The following UMAD1 variants were observed in gnomAD, a reference collection of about 807,000 sequenced individuals.
UMAD1 encodes the protein UBAP1-MVB12-associated (UMA)-domain containing protein 1.
UMAD1 carries 8 observed loss-of-function variants against 6.1 expected under a neutral mutation model. That is an observed-to-expected ratio of 1.30 (90% CI 0.76 to 2.35). The LOEUF is 2.35. UMAD1 is among the 30% of genes most tolerant of loss of function. The pLI is 0.00. For missense variants in UMAD1, 130 were observed against 78.4 expected (o/e 1.66, Z -2.49); for synonymous variants, 56 against 31.4 (o/e 1.78, Z -2.61).
intron 2 of UMAD1, among the ~76,000 whole-genome samples, chr7:7,688,505 C>T (rs953841787): frequency 2.0e-5 from 3 of 152,158 alleles, no homozygotes; most frequent in African/African-American, 7.2e-5. Context: ...TTTCCTCATG[C>T]AGAGTGCCCA....
At chr7:7,841,459 A>G (rs1783680574) in intron 3 of UMAD1, among the ~76,000 whole-genome samples, 1 of 151,628 alleles carries the variant, frequency 6.6e-6, no homozygotes. Context: ...ACACACCTCC[A>G]CACTCGGCTA....
intron 3 of UMAD1, among the ~76,000 whole-genome samples, chr7:7,873,631 C>T (rs141809875): frequency 6.6e-6 from 1 of 152,138 alleles, no homozygotes; most frequent in Non-Finnish European, 1.5e-5. Flanking sequence ...TAGGCATGTG[C>T]TTTTTAACTT....
intron 2 of UMAD1, among the ~76,000 whole-genome samples, chr7:7,764,296 C>G (rs187773015): frequency 6.6e-6 from 1 of 152,120 alleles, no homozygotes; most frequent in East Asian, 1.9e-4. Context: ...ATGTCCAGAC[C>G]CATAGCTATC....
chr7:7,694,378 G>A (rs7791543), intron 2 of UMAD1, among the ~76,000 whole-genome samples: 12,525 of 151,924 alleles, frequency 0.082, 589 homozygotes, highest in Middle Eastern at 0.12. Flanking sequence ...TGTGATACAG[G>A]CACTCCAATT....
chr7:7,834,765 C>T (rs1783534598), intron 3 of UMAD1, among the ~76,000 whole-genome samples: 1 of 152,154 alleles, frequency 6.6e-6, no homozygotes, highest in African/African-American at 2.4e-5. Flanking sequence ...AGGGCTTCAA[C>T]ATATGAATTG....
At chr7:7,671,847 C>A (rs1417762668) in intron 1 of UMAD1, among the ~76,000 whole-genome samples, 2 of 152,136 alleles carry the variant, frequency 1.3e-5, no homozygotes, top group African/African-American at 4.8e-5. Context: ...TAAGCACTTT[C>A]TTTAAGGATT....
intron 2 of UMAD1, among the ~76,000 whole-genome samples, chr7:7,712,291 G>C (rs1780784654): frequency 6.6e-6 from 1 of 152,080 alleles, no homozygotes; most frequent in African/African-American, 2.4e-5. Context: ...TGAACATATA[G>C]ATTAATTTAG....
At chr7:7,857,117 A>C (rs1482591902) in intron 3 of UMAD1, among the ~76,000 whole-genome samples, 8 of 152,222 alleles carry the variant, frequency 5.3e-5, no homozygotes, top group Admixed American at 1.3e-4. Context: ...AGGAAGTAAA[A>C]TATACACACG....
intron 2 of UMAD1, among the ~76,000 whole-genome samples, chr7:7,675,054 G>A (rs1247147740): frequency 2.6e-5 from 4 of 151,936 alleles, no homozygotes; most frequent in African/African-American, 9.7e-5. Context: ...AAATAGAGAT[G>A]GGGTCTTGCC....
rs1415237684 is a variant in UMAD1, at chr7:7,878,768, T to A, written c.*1230T>A. 2.6e-5 allele frequency: 4 copies of A among 152,224 alleles called. No individual in the cohort carries two copies. The highest frequency in any genetic ancestry group is 9.6e-5 in the African/African-American group (4 of 41,458). 9.4% of individuals were successfully genotyped at this position (152,224 alleles called of 1,614,324 possible). On this transcript the variant is annotated 3_prime_UTR_variant, in exon 4 of 4. Coordinates refer to ENST00000682710, the MANE Select transcript of UMAD1 (RefSeq NM_001302348.2). ...TATTCCAGTTTTAAAGTATTATGCATGTTTGTTTAATAAATGTGGCATGGT... is the reference window on the plus strand; with the variant it reads ...TATTCCAGTTTTAAAGTATTATGCAAGTTTGTTTAATAAATGTGGCATGGT...
chr7:7,647,643 T>C (rs1195478441), intron 1 of UMAD1, among the ~76,000 whole-genome samples: 12 of 152,234 alleles, frequency 7.9e-5, no homozygotes, highest in Non-Finnish European at 1.5e-5. Flanking sequence ...GGTCTTCCTC[T>C]GTTGCTGAGG....
intron 1 of UMAD1, among the ~76,000 whole-genome samples, chr7:7,672,480 T>C (rs979424615): frequency 6.6e-6 from 1 of 152,206 alleles, no homozygotes; most frequent in Non-Finnish European, 1.5e-5. Context: ...GGTACTGATA[T>C]GGTTTGGTTC....
intron 2 of UMAD1, 83 bp from the exon 3 acceptor site, chr7:7,801,587 A>G (rs935585807): frequency 7.6e-6 from 5 of 660,088 alleles, no homozygotes; most frequent in Non-Finnish European, 1.4e-5. Flanking sequence ...ATAATAACAA[A>G]AGATACTTCA....
chr7:7,746,777 C>T (rs757614594), intron 2 of UMAD1, among the ~76,000 whole-genome samples: 2 of 152,206 alleles, frequency 1.3e-5, no homozygotes, highest in Admixed American at 6.5e-5. Flanking sequence ...TCTTAATTCG[C>T]TAAAAAGGCC....
intron 2 of UMAD1, 85 bp from the exon 3 acceptor site, chr7:7,801,585 A>G (rs1198528762): frequency 2.3e-5 from 15 of 658,866 alleles, no homozygotes; most frequent in Non-Finnish European, 3.6e-5. Flanking sequence ...ATATAATAAC[A>G]AAAGATACTT....
chr7:7,760,455 T>TAATA (rs1781865183), intron 2 of UMAD1, among the ~76,000 whole-genome samples: 1 of 138,714 alleles, frequency 7.2e-6, no homozygotes, highest in South Asian at 2.3e-4. Flanking sequence ...TAATAATAAT[T>TAATA]GTCTTGAGTT....
chr7:7,731,475 A>C, intron 2 of UMAD1, among the ~76,000 whole-genome samples: 2 of 141,264 alleles, frequency 1.4e-5, no homozygotes, highest in Non-Finnish European at 3.1e-5. Flanking sequence ...GGAAAAGCAA[A>C]CAAACAACCC....
intron 3 of UMAD1, among the ~76,000 whole-genome samples, chr7:7,871,946 C>A (rs1784339935): frequency 6.6e-6 from 1 of 151,952 alleles, no homozygotes; most frequent in Admixed American, 6.6e-5. Context: ...GAGAGAGAAC[C>A]TCAGCTGCTG....
chr7:7,651,539 T>G (rs1397736245), intron 1 of UMAD1, among the ~76,000 whole-genome samples: 1 of 152,228 alleles, frequency 6.6e-6, no homozygotes, highest in African/African-American at 2.4e-5. Flanking sequence ...GCCATTGCTT[T>G]GGGTACGTAT....
Sources: allele counts gnomAD v4.1 joint callset (sites outside exome capture counted in the v4.1 genomes callset), GRCh38; gene constraint gnomAD v4.1.1; transcripts MANE v1.5; gene names NCBI Gene and HGNC (gene_info 2026-07-23, HGNC 2026-07-21).